The following PKP2 variants were observed in gnomAD, a reference collection of about 807,000 sequenced individuals.
PKP2 encodes the protein plakophilin-2.
A neutral mutation model predicts 83.4 loss-of-function variants in PKP2; 73 were observed. The observed-to-expected ratio is 0.88, with a 90% CI of 0.72 to 1.06. PKP2 has a LOEUF of 1.06. Ranked by LOEUF, PKP2 falls within the 50% of genes least tolerant of loss-of-function variation. The pLI, the probability that PKP2 is intolerant of heterozygous loss-of-function variation, is 0.00. For missense variants in PKP2, 966 were observed against 1,065.4 expected (o/e 0.91, Z 1.30); for synonymous variants, 409 against 430.4 (o/e 0.95, Z 0.62).
At chr12:32,849,865 A>G (rs1956681341) in intron 5 of PKP2, among the ~76,000 whole-genome samples, 1 of 152,238 alleles carries the variant, frequency 6.6e-6, no homozygotes, top group Non-Finnish European at 1.5e-5. Flanking sequence ...GGTGGTACTG[A>G]GAGGAGTCCA....
At chr12:32,884,435 C>G (rs995059554) in intron 1 of PKP2, among the ~76,000 whole-genome samples, 2 of 152,250 alleles carry the variant, frequency 1.3e-5, no homozygotes, top group African/African-American at 4.8e-5. Context: ...GCCTGGGCAA[C>G]AGAGTGAGAC....
chr12:32,876,168 A>G (rs1297776582), intron 3 of PKP2, among the ~76,000 whole-genome samples: 1 of 152,166 alleles, frequency 6.6e-6, no homozygotes, highest in Non-Finnish European at 1.5e-5. Context: ...GTTGAGTAAT[A>G]TAAGCAGTGC....
At chr12:32,836,829 C>T (rs1230154102) in intron 6 of PKP2, among the ~76,000 whole-genome samples, 1 of 152,152 alleles carries the variant, frequency 6.6e-6, no homozygotes, top group Non-Finnish European at 1.5e-5. Flanking sequence ...CATAAATGAG[C>T]AACTACTCAG....
chr12:32,855,893 A>G (rs1044230750), intron 4 of PKP2, among the ~76,000 whole-genome samples: 9 of 151,994 alleles, frequency 5.9e-5, no homozygotes, highest in African/African-American at 2.2e-4. Context: ...AATCATAAAT[A>G]GGATCTGCCA....
At chr12:32,853,758 GC>G (rs1592751934) in intron 4 of PKP2, among the ~76,000 whole-genome samples, 1 of 152,108 alleles carries the variant, frequency 6.6e-6, no homozygotes, top group African/African-American at 2.4e-5. Context: ...TGATCTGCCG[GC>G]CTCAGGCTCC....
chr12:32,825,443 T>C (rs1956429324), intron 6 of PKP2, among the ~76,000 whole-genome samples: 1 of 152,118 alleles, frequency 6.6e-6, no homozygotes, highest in African/African-American at 2.4e-5. Flanking sequence ...AGTGCTGGGA[T>C]TACAGGCGTG....
At chr12:32,805,248 T>C (rs1956217188) in intron 9 of PKP2, among the ~76,000 whole-genome samples, 1 of 152,124 alleles carries the variant, frequency 6.6e-6, no homozygotes, top group South Asian at 2.1e-4. Context: ...TCCCATTTTG[T>C]AGGTTGTCTG....
intron 4 of PKP2, among the ~76,000 whole-genome samples, chr12:32,862,436 C>T (rs995749603): frequency 3.3e-5 from 5 of 150,876 alleles, no homozygotes; most frequent in African/African-American, 1.2e-4. Context: ...CACCTGAAGT[C>T]GGGAGTTTGA....
rs369518480 is a variant in PKP2 at position 32,843,223 on chromosome 12, C to T, written c.1379-2018G>A. ...GTCTCGAACTCCTGACCTCGTGATC[C>T]GCCCGCCTTGGCCTCCCAAAGTGCT... On this transcript the variant is annotated intron_variant, in intron 5 of 12. Transcript: ENST00000340811. 8.6e-5 allele frequency: 61 copies of T among 707,352 alleles called. No individual in the cohort carries two copies. The highest frequency in any genetic ancestry group is 2.9e-4 in the African/African-American group (16 of 55,238). 43.8% of individuals were successfully genotyped at this position (707,352 alleles called of 1,614,324 possible). A position where few individuals can be genotyped will look rare whatever the true frequency, so the allele number is the denominator to read the frequency against.
chr12:32,850,629 G>T, intron 5 of PKP2, 137 bp downstream of exon 5: 3 of 728,450 alleles, frequency 4.1e-6, no homozygotes, highest in South Asian at 3.0e-5. Flanking sequence ...AGGTAACAAT[G>T]TTCCTTTAAA....
In PKP2 at chr12:32,896,775, C is replaced by T; in HGVS notation, c.-44G>A. ...CGAGCTGCTCGCCTGCCTCTGGACTCGCGGGCGAAGCCGCCACGGAGCTGG... is the reference window on the plus strand; with the variant it reads ...CGAGCTGCTCGCCTGCCTCTGGACTTGCGGGCGAAGCCGCCACGGAGCTGG... On this transcript the variant is annotated 5_prime_UTR_variant, in exon 1 of 13. Transcript: ENST00000340811. 9.1e-7 allele frequency: 1 copy of T among 1,101,260 alleles called. No individual in the cohort carries two copies. Among genetic ancestry groups the T allele is most frequent in the Non-Finnish European group, 1.2e-6 (1 of 825,402 alleles). 68.2% of individuals were successfully genotyped at this position (1,101,260 alleles called of 1,614,324 possible).
intron 10 of PKP2, among the ~76,000 whole-genome samples, chr12:32,797,762 T>C (rs1466286717): frequency 6.6e-6 from 1 of 151,812 alleles, no homozygotes. Context: ...TTCACCTTGT[T>C]AGCCAGGATG....
intron 3 of PKP2, among the ~76,000 whole-genome samples, chr12:32,875,734 A>G (rs1451695568): frequency 6.6e-6 from 1 of 152,184 alleles, no homozygotes; most frequent in African/African-American, 2.4e-5. Flanking sequence ...GTGATAGGTG[A>G]CTACAGAGGG....
intron 1 of PKP2, among the ~76,000 whole-genome samples, chr12:32,881,034 C>G (rs1160070967): frequency 2.0e-5 from 3 of 152,162 alleles, no homozygotes; most frequent in Non-Finnish European, 4.4e-5. Flanking sequence ...ATCAACATAA[C>G]TTTTCCAATA....
chr12:32,873,373 C>T (rs902395699), intron 3 of PKP2, among the ~76,000 whole-genome samples: 2 of 152,168 alleles, frequency 1.3e-5, no homozygotes, highest in African/African-American at 2.4e-5. Context: ...GCTGGGATTA[C>T]AGGTGTGAGC....
intron 6 of PKP2, among the ~76,000 whole-genome samples, chr12:32,836,564 T>G (rs1043063027): frequency 6.6e-6 from 1 of 152,228 alleles, no homozygotes; most frequent in Non-Finnish European, 1.5e-5. Flanking sequence ...TTCACTGTTG[T>G]ATGCACAAGT....
At chr12:32,862,825 C>CT in intron 4 of PKP2, among the ~76,000 whole-genome samples, 1 of 151,312 alleles carries the variant, frequency 6.6e-6, no homozygotes, top group Non-Finnish European at 1.5e-5. Context: ...ATGGCAAAAC[C>CT]CTACCTCTAC....
At chr12:32,892,674 AT>A (rs1565603941) in intron 1 of PKP2, among the ~76,000 whole-genome samples, 2 of 152,088 alleles carry the variant, frequency 1.3e-5, no homozygotes, top group Non-Finnish European at 2.9e-5. Flanking sequence ...ATCACCTAAG[AT>A]AATAGTGTGC....
intron 5 of PKP2, 27 bp from the exon 6 acceptor site, chr12:32,841,232 A>G (rs771110486): frequency 6.3e-7 from 1 of 1,596,948 alleles, no homozygotes; most frequent in East Asian, 2.2e-5. Context: ...TTACCATGAA[A>G]ACAGTGCAGG....
Sources: gnomAD v4.1 joint callset for allele counts (sites outside exome capture counted in the v4.1 genomes callset) on GRCh38, gnomAD v4.1.1 for gene constraint, MANE v1.5 for transcripts, NCBI Gene and HGNC (gene_info 2026-07-23, HGNC 2026-07-21) for gene names.